PRRT1B: variants seen among roughly 807,000 people sequenced by gnomAD.
The protein encoded by PRRT1B is proline rich transmembrane protein 1B, also known as dispanin subfamily D member 2.
intron 2 of PRRT1B, among the ~76,000 whole-genome samples, 163 bp from the exon 3 acceptor site, chr9:131,555,907 C>T (rs1329994715): frequency 6.6e-6 from 1 of 152,132 alleles, no homozygotes; most frequent in Admixed American, 6.5e-5. Context: ...AGGGAGAGGG[C>T]AGAGGGGCAC....
chr9:131,559,316 G>A (rs530921943), downstream of PRRT1B, among the ~76,000 whole-genome samples: 125 of 152,312 alleles, frequency 8.2e-4, no homozygotes, highest in African/African-American at 2.8e-3. Flanking sequence ...AGTGGCAGGC[G>A]CCTGTAATCC....
chr9:131,557,405 G>T (rs1356668996), intron 3 of PRRT1B, among the ~76,000 whole-genome samples: 1 of 152,168 alleles, frequency 6.6e-6, no homozygotes. Flanking sequence ...CGGGCATGGG[G>T]GCAGGCACCT....
rs1403541818 is a variant in PRRT1B at position 131,546,936 on chromosome 9, A to G, written c.25+1296A>G. The stretch of plus-strand genomic sequence containing the variant: ...TAGAGTGGAGAGCTGACTCGCTGAG[A>G]CCCACGTTTCTTGCTGGGAGTCTCG... On this transcript the variant is annotated intron_variant, in intron 1 of 3. Coordinates refer to ENST00000636672, the Ensembl canonical transcript of PRRT1B. 2.0e-5 allele frequency among the ~76,000 whole-genome samples: 3 copies of G among 152,018 alleles called. No homozygotes were observed. In the East Asian group the frequency reaches 5.8e-4, roughly 29 times the overall value.
At chr9:131,557,071 T>C (rs1189234026) in intron 3 of PRRT1B, among the ~76,000 whole-genome samples, 17 of 151,896 alleles carry the variant, frequency 1.1e-4, no homozygotes, top group Non-Finnish European at 2.5e-4. Flanking sequence ...CACCAATCCC[T>C]ACCCATCCAT....
intron 1 of PRRT1B, among the ~76,000 whole-genome samples, chr9:131,553,950 G>A (rs1039130541): frequency 9.9e-5 from 15 of 152,200 alleles, no homozygotes; most frequent in African/African-American, 3.4e-4. Flanking sequence ...CGGGAGCAAG[G>A]CAGCTGGGCA....
At chr9:131,553,881 G>A (rs1951028237) in intron 1 of PRRT1B, among the ~76,000 whole-genome samples, 1 of 152,172 alleles carries the variant, frequency 6.6e-6, no homozygotes. Flanking sequence ...AGAATTTGTT[G>A]GGACCTGACC....
At chr9:131,550,933 C>CTTTTTTTTTTTTTTT (rs1159996336) in intron 1 of PRRT1B, among the ~76,000 whole-genome samples, 1 of 116,856 alleles carries the variant, frequency 8.6e-6, no homozygotes. Context: ...TTTTTCTTTT[C>CTTTTTTTTTTTTTTT]TTTTTCTTTT....
chr9:131,556,091 G>A (rs759826913), exon 3 of PRRT1B: 17 of 401,092 alleles, frequency 4.2e-5, no homozygotes, highest in Middle Eastern at 3.1e-4. Flanking sequence ...GATGGCTGGC[G>A]TGCCAGGCCC....
intron 3 of PRRT1B, among the ~76,000 whole-genome samples, chr9:131,557,281 G>A (rs926461821): frequency 2.6e-5 from 4 of 152,268 alleles, no homozygotes; most frequent in Admixed American, 2.0e-4. Flanking sequence ...GCTCACAAAT[G>A]TAACCCCAGC....
At chr9:131,558,185 G>A in exon 4 of PRRT1B, 1 of 401,062 alleles carries the variant, frequency 2.5e-6, no homozygotes, top group African/African-American at 2.0e-5. Context: ...CGTGGTGGTG[G>A]CACTCTACCT....
chr9:131,550,910 C>T (rs1420444425), intron 1 of PRRT1B, among the ~76,000 whole-genome samples: 4 of 149,454 alleles, frequency 2.7e-5, no homozygotes, highest in Admixed American at 1.3e-4. Flanking sequence ...TTGTGTCTTC[C>T]GTTTAGTTTT....
chr9:131,550,751 G>A (rs1464337263), intron 1 of PRRT1B, among the ~76,000 whole-genome samples: 2 of 152,010 alleles, frequency 1.3e-5, no homozygotes, highest in Admixed American at 6.6e-5. Flanking sequence ...TACTTTTAGA[G>A]GCCCTCAGAA....
In PRRT1B at chr9:131,551,108, A is replaced by T. The variant is rs1951009347; in HGVS notation, c.26-3449A>T. 6.6e-6 allele frequency among the ~76,000 whole-genome samples: 1 copy of T among 151,310 alleles called. No homozygotes were observed. Among genetic ancestry groups the T allele is most frequent in the Non-Finnish European group, 1.5e-5 (1 of 67,832 alleles). On this transcript the variant is annotated intron_variant, in intron 1 of 3. Coordinates refer to ENST00000636672, the Ensembl canonical transcript of PRRT1B. This position sits in a 1 kb window ranked among gnomAD's most constrained non-coding sequence, Gnocchi z 4.4. ...CAGGCACCCGCCACCATGCTCCGCT[A>T]ATTTTTTGTATTTTTAGTAGAGACG...
intron 1 of PRRT1B, among the ~76,000 whole-genome samples, chr9:131,552,898 G>A (rs916103324): frequency 1.3e-5 from 2 of 149,904 alleles, no homozygotes; most frequent in African/African-American, 4.9e-5. Flanking sequence ...GTTGCCCTGG[G>A]TGGTCTCGAA....
intron 1 of PRRT1B, among the ~76,000 whole-genome samples, 162 bp from the exon 2 acceptor site, chr9:131,554,395 G>A (rs1266852514): frequency 6.6e-6 from 1 of 152,130 alleles, no homozygotes; most frequent in African/African-American, 2.4e-5. Flanking sequence ...CTCCAGCAAG[G>A]CAGGTGGCCC....
chr9:131,550,951 T>C lies in PRRT1B; in HGVS notation c.26-3606T>C, dbSNP rs866485023. 7.1e-5 allele frequency among the ~76,000 whole-genome samples: 10 copies of C among 140,032 alleles called. No homozygotes were observed. In the South Asian group the frequency reaches 1.6e-3, roughly 23 times the overall value. The allele number at this position is 140,032 out of a possible 152,430, so 91.9% of individuals were successfully genotyped here. ...TTCTTTTCTTTTTCTTTTTTTTTTTTTTTTTTTTTGAGACAGAGTCTCACT... is the reference window on the plus strand; with the variant it reads ...TTCTTTTCTTTTTCTTTTTTTTTTTCTTTTTTTTTGAGACAGAGTCTCACT... On this transcript the variant is annotated intron_variant, in intron 1 of 3. Transcript: ENST00000636672.
At chr9:131,558,241 C>T (rs1033407473) in exon 4 of PRRT1B, 3 of 400,938 alleles carry the variant, frequency 7.5e-6, no homozygotes, top group African/African-American at 2.0e-5. Flanking sequence ...GCCGGAATGT[C>T]CACGGAAAAC....
At chr9:131,556,449 A>G (rs566598460) in intron 3 of PRRT1B, among the ~76,000 whole-genome samples, 1 of 152,326 alleles carries the variant, frequency 6.6e-6, no homozygotes, top group East Asian at 1.9e-4. Context: ...TTCACGGTAA[A>G]GCTGTGAATG....
intron 1 of PRRT1B, among the ~76,000 whole-genome samples, chr9:131,553,074 A>G (rs545336376): frequency 6.6e-6 from 1 of 152,234 alleles, no homozygotes; most frequent in East Asian, 1.9e-4. Context: ...TATTTTGTCT[A>G]GACTTTTCAG....
Sources: allele counts gnomAD v4.1 joint callset (sites outside exome capture counted in the v4.1 genomes callset), GRCh38; gene constraint gnomAD v4.1.1; non-coding constraint Gnocchi (gnomAD v3.1); transcripts MANE v1.5; gene names NCBI Gene and HGNC (gene_info 2026-07-23, HGNC 2026-07-21).